Variants in MARCHF1 observed in about 807,000 individuals in gnomAD.
The protein encoded by MARCHF1 is membrane associated ring-CH-type finger 1.
In MARCHF1, 40 loss-of-function variants were observed where a neutral mutation model predicts 54.2. That is an observed-to-expected ratio of 0.74 (90% CI 0.57 to 0.96). The LOEUF is 0.96. Among genes scored for constraint, MARCHF1 ranks in the 40% least tolerant of loss-of-function variants. MARCHF1 has a pLI of 0.00. For missense variants in MARCHF1, 586 were observed against 656.5 expected, an observed-to-expected ratio of 0.89 and a Z score of 1.17; for synonymous variants, 236 against 236.3, an observed-to-expected ratio of 1.00 and a Z score of 0.01.
intron 3 of MARCHF1, among the ~76,000 whole-genome samples, chr4:163,977,804 A>G (rs531654111): frequency 6.6e-5 from 10 of 152,330 alleles, no homozygotes; most frequent in African/African-American, 2.4e-4. Context: ...TCAGATATTC[A>G]CAAAATAATC....
At chr4:163,539,493 C>T (rs17473073) in intron 9 of MARCHF1, among the ~76,000 whole-genome samples, 6,783 of 152,282 alleles carry the variant, frequency 0.045, 216 homozygotes, top group East Asian at 0.085. Context: ...GTGATTTGAA[C>T]GCTACACACC....
At chr4:163,872,303 C>T (rs773492004) in intron 3 of MARCHF1, among the ~76,000 whole-genome samples, 3 of 152,086 alleles carry the variant, frequency 2.0e-5, no homozygotes, top group African/African-American at 4.8e-5. Flanking sequence ...TTGAATAGGA[C>T]GGAATGCCAA....
chr4:164,188,731 G>C (rs1200493191), intron 1 of MARCHF1: 2 of 1,037,132 alleles, frequency 1.9e-6, no homozygotes, highest in Non-Finnish European at 1.5e-6. Context: ...TGCGGTTCAA[G>C]GTAGTTGAAA....
At chr4:164,187,293 T>A (rs1730995421) in intron 1 of MARCHF1, among the ~76,000 whole-genome samples, 3 of 152,084 alleles carry the variant, frequency 2.0e-5, no homozygotes, top group Non-Finnish European at 2.9e-5. Flanking sequence ...TGTTCCAGGG[T>A]GATAGAGAAA....
intron 5 of MARCHF1, among the ~76,000 whole-genome samples, chr4:163,695,914 A>G (rs1177886872): frequency 6.6e-6 from 1 of 152,006 alleles, no homozygotes; most frequent in Non-Finnish European, 1.5e-5. Context: ...AGTAACAAGC[A>G]CTAATATAAA....
intron 2 of MARCHF1, among the ~76,000 whole-genome samples, chr4:164,042,218 T>C (rs1754144133): frequency 6.6e-6 from 1 of 152,172 alleles, no homozygotes; most frequent in Admixed American, 6.5e-5. Flanking sequence ...CTCTCCAGGC[T>C]GAACAAGTAG....
intron 2 of MARCHF1, among the ~76,000 whole-genome samples, chr4:164,035,438 A>G (rs1296482008): frequency 6.6e-6 from 1 of 151,920 alleles, no homozygotes; most frequent in Non-Finnish European, 1.5e-5. Flanking sequence ...TGAAATATAA[A>G]AGCAAGTTCT....
chr4:163,686,076 C>T (rs747033893), intron 5 of MARCHF1, among the ~76,000 whole-genome samples: 1 of 152,098 alleles, frequency 6.6e-6, no homozygotes, highest in African/African-American at 2.4e-5. Context: ...ATAGTACCTA[C>T]TGGAATGCTT....
intron 5 of MARCHF1, among the ~76,000 whole-genome samples, chr4:163,637,844 A>G (rs1261924023): frequency 5.3e-5 from 8 of 151,972 alleles, no homozygotes; most frequent in African/African-American, 1.9e-4. Flanking sequence ...GAACCAACCC[A>G]AATGTCCAAC....
chr4:164,007,649 TG>T (rs1560859157), intron 2 of MARCHF1, among the ~76,000 whole-genome samples: 1 of 30,438 alleles, frequency 3.3e-5, no homozygotes, highest in Non-Finnish European at 6.2e-5. Flanking sequence ...TCTCTCTCTG[TG>T]TGTGTGTGTG....
At chr4:164,156,473 G>C (rs1249720576) in intron 1 of MARCHF1, among the ~76,000 whole-genome samples, 1 of 151,986 alleles carries the variant, frequency 6.6e-6, no homozygotes, top group Non-Finnish European at 1.5e-5. Context: ...GCTCAGGCTG[G>C]AGTGCAGTGG....
intron 3 of MARCHF1, among the ~76,000 whole-genome samples, chr4:163,943,341 A>G (rs1265522050): frequency 6.6e-6 from 1 of 152,106 alleles, no homozygotes; most frequent in Non-Finnish European, 1.5e-5. Flanking sequence ...TAAGTTTTTA[A>G]TCTATCTTGA....
intron 5 of MARCHF1, among the ~76,000 whole-genome samples, chr4:163,629,437 C>T (rs551419533): frequency 6.6e-6 from 1 of 152,238 alleles, no homozygotes; most frequent in Admixed American, 6.5e-5. Flanking sequence ...AATGTAAGAC[C>T]TAAAACCATA....
intron 1 of MARCHF1, chr4:164,135,343 T>C (rs1756378561): frequency 6.6e-6 from 1 of 152,194 alleles, no homozygotes; most frequent in South Asian, 2.1e-4. Context: ...GCCATTGTAT[T>C]AGTCCATTCT....
In MARCHF1 at chr4:163,853,630, C is replaced by T. The variant is rs115206448; in HGVS notation, c.111+391G>A. 5.2e-3 allele frequency among the ~76,000 whole-genome samples: 798 copies of T among 152,142 alleles called. 6 individuals are homozygous for T. Among genetic ancestry groups the T allele is most frequent in the African/African-American group, 0.018 (761 of 41,520 alleles). On this transcript the variant is annotated intron_variant, in intron 4 of 9. Transcript: ENST00000514618. ...TTTTTAGAAAAAATATAGAAAAATACAGAAAGTAGGATTCTGATTTTCTTT... is the reference window on the plus strand; with the variant it reads ...TTTTTAGAAAAAATATAGAAAAATATAGAAAGTAGGATTCTGATTTTCTTT...
intron 1 of MARCHF1, among the ~76,000 whole-genome samples, chr4:164,294,497 T>G (rs976171283): frequency 5.9e-5 from 9 of 152,312 alleles, no homozygotes; most frequent in Admixed American, 3.3e-4. Flanking sequence ...AACTCTGGAA[T>G]ATACTTTTTC....
intron 4 of MARCHF1, among the ~76,000 whole-genome samples, chr4:163,705,533 C>G (rs1290573380): frequency 6.6e-6 from 1 of 151,840 alleles, no homozygotes; most frequent in East Asian, 1.9e-4. Flanking sequence ...ACTCAGGACA[C>G]CTGTCAACAT....
intron 8 of MARCHF1, among the ~76,000 whole-genome samples, chr4:163,551,174 C>A (rs768884227): frequency 6.6e-6 from 1 of 152,276 alleles, no homozygotes; most frequent in Admixed American, 6.5e-5. Context: ...TTACATAATT[C>A]ATTTATTTGA....
intron 4 of MARCHF1, among the ~76,000 whole-genome samples, chr4:163,784,139 TC>T (rs1747547005): frequency 3.0e-5 from 4 of 134,394 alleles, no homozygotes; most frequent in African/African-American, 1.0e-4. Flanking sequence ...CAGCAGAAAT[TC>T]TTTTTTTTTT....
Sources: allele counts gnomAD v4.1 joint callset (sites outside exome capture counted in the v4.1 genomes callset), GRCh38; gene constraint gnomAD v4.1.1; transcripts MANE v1.5; gene names NCBI Gene and HGNC (gene_info 2026-07-23, HGNC 2026-07-21).